The following COG6 variants were observed in gnomAD, a reference collection of about 807,000 sequenced individuals.
COG6 encodes conserved oligomeric Golgi complex subunit 6.
In COG6, 74 loss-of-function variants were observed where a neutral mutation model predicts 88.8. The observed-to-expected ratio is 0.83, with a 90% CI of 0.69 to 1.01. The LOEUF is 1.01. Among genes scored for constraint, COG6 ranks in the 50% least tolerant of loss-of-function variants. The probability of loss-of-function intolerance (pLI) is 0.00; values close to 1 mark genes in which losing one functional copy is unlikely to be tolerated. For missense variants in COG6, 800 were observed against 797.9 expected (o/e 1.00, Z -0.03); for synonymous variants, 286 against 278.7 (o/e 1.03, Z -0.26).
intron 18 of COG6, among the ~76,000 whole-genome samples, chr13:39,774,767 G>A (rs1272949601): frequency 1.3e-5 from 2 of 151,962 alleles, no homozygotes; most frequent in South Asian, 2.1e-4. Flanking sequence ...TAGAGACAGG[G>A]TTTCACCATA....
At chr13:39,663,767 A>T (rs939822388) in intron 3 of COG6, among the ~76,000 whole-genome samples, 3 of 152,018 alleles carry the variant, frequency 2.0e-5, no homozygotes, top group African/African-American at 7.3e-5. Context: ...ACATGCCTAT[A>T]GTCCCAGCTA....
chr13:39,785,890 ACTTTGCTCAG>A (rs1478005925), intron 18 of COG6, among the ~76,000 whole-genome samples: 1 of 152,122 alleles, frequency 6.6e-6, no homozygotes. Flanking sequence ...AGGATTTTCC[ACTTTGCTCAG>A]CTTTGGGGAG....
intron 13 of COG6, among the ~76,000 whole-genome samples, chr13:39,718,762 G>A (rs1488364661): frequency 2.6e-5 from 4 of 151,994 alleles, no homozygotes; most frequent in East Asian, 3.9e-4. Context: ...GAGACTCCTG[G>A]GGTGCTTGTT....
chr13:39,657,738 C>A (rs761262909), intron 1 of COG6, among the ~76,000 whole-genome samples: 38 of 152,036 alleles, frequency 2.5e-4, no homozygotes, highest in Non-Finnish European at 4.6e-4. Flanking sequence ...ATTTAGTGTA[C>A]AATGGGGATG....
intron 3 of COG6, 96 bp from the exon 4 acceptor site, chr13:39,665,000 T>A (rs978481224): frequency 2.8e-6 from 2 of 717,002 alleles, no homozygotes; most frequent in Non-Finnish European, 5.1e-6. Context: ...GTGATCTCAT[T>A]TGTTTTAAGT....
intron 18 of COG6, among the ~76,000 whole-genome samples, chr13:39,731,633 A>G (rs1323339392): frequency 6.6e-6 from 1 of 152,216 alleles, no homozygotes; most frequent in Non-Finnish European, 1.5e-5. Context: ...GAAAATGGGT[A>G]AGTTTTGATA....
In COG6 at chr13:39,724,555, T is replaced by A; in HGVS notation, c.1740T>A (p.Ala580=). Residue 580 remains alanine (A), a synonymous_variant, in exon 17 of 19, where the codon GCT becomes GCA. Transcript: ENST00000455146. ...ACCTAGATTCTGTGACACTGAAGGC[T>A]GCAATGGTAAGTGTATAATAAAACA... The part of the protein sequence containing the change: ...MPNLDSVTLK[A]AMVQFDRYLS... The A allele has an allele frequency of 6.3e-7, 1 of 1,594,614 alleles. No homozygotes were observed. Among genetic ancestry groups the A allele is most frequent in the Non-Finnish European group, 8.6e-7 (1 of 1,163,510 alleles).
At chr13:39,697,082 T>C (rs1877317707) in intron 12 of COG6, among the ~76,000 whole-genome samples, 1 of 149,482 alleles carries the variant, frequency 6.7e-6, no homozygotes. Flanking sequence ...TTGATGGGAG[T>C]GGTGGGTAAT....
chr13:39,718,524 T>G (rs1210251638), intron 13 of COG6, among the ~76,000 whole-genome samples: 1 of 152,168 alleles, frequency 6.6e-6, no homozygotes, highest in Non-Finnish European at 1.5e-5. Context: ...ACTTAGTAAG[T>G]GCAAGGCATG....
intron 4 of COG6, among the ~76,000 whole-genome samples, chr13:39,665,481 A>G (rs7998582): frequency 0.66 from 100,388 of 151,896 alleles, 33,403 homozygotes; most frequent in Admixed American, 0.77. Flanking sequence ...TTTTTTCACA[A>G]TCATTGTCTT....
chr13:39,682,979 A>G (rs184636239), intron 8 of COG6, among the ~76,000 whole-genome samples: 1 of 152,216 alleles, frequency 6.6e-6, no homozygotes, highest in Non-Finnish European at 1.5e-5. Context: ...CCTGCTTTGA[A>G]TCATCCCTTT....
intron 18 of COG6, among the ~76,000 whole-genome samples, chr13:39,745,071 A>C (rs1419880223): frequency 6.6e-6 from 1 of 152,214 alleles, no homozygotes; most frequent in Non-Finnish European, 1.5e-5. Flanking sequence ...CCTTCCTTAC[A>C]CCTTATACAA....
At chr13:39,718,301 C>A (rs559219515) in intron 13 of COG6, among the ~76,000 whole-genome samples, 1 of 151,830 alleles carries the variant, frequency 6.6e-6, no homozygotes, top group South Asian at 2.1e-4. Flanking sequence ...TAATAAATGC[C>A]GATATTTGAA....
exon 19 of COG6, chr13:39,790,328 G>C (rs1056765017): frequency 2.0e-5 from 3 of 152,198 alleles, no homozygotes; most frequent in African/African-American, 7.2e-5. Context: ...ATTGTGTAAG[G>C]CTTAAAATTG....
exon 19 of COG6, chr13:39,791,165 C>G (rs920811305): frequency 5.3e-5 from 8 of 151,886 alleles, no homozygotes; most frequent in African/African-American, 1.9e-4. Flanking sequence ...AGACAGACAC[C>G]CACTTTCTAT....
At chr13:39,734,605 A>C (rs1879634778) in intron 18 of COG6, among the ~76,000 whole-genome samples, 1 of 152,086 alleles carries the variant, frequency 6.6e-6, no homozygotes, top group African/African-American at 2.4e-5. Flanking sequence ...ACAAATATTG[A>C]TTAGGTGCAT....
intron 18 of COG6, among the ~76,000 whole-genome samples, chr13:39,747,301 G>A (rs776702387): frequency 6.6e-6 from 1 of 152,166 alleles, no homozygotes; most frequent in African/African-American, 2.4e-5. Context: ...CTGTCAGCCA[G>A]AGTTCTTGGT....
intron 1 of COG6, chr13:39,656,801 T>G (rs751425436): frequency 1.1e-5 from 5 of 455,810 alleles, no homozygotes; most frequent in South Asian, 7.7e-5. Context: ...AGTAAGTCCC[T>G]TCACTAATCT....
exon 19 of COG6, chr13:39,788,568 G>A: frequency 1.7e-6 from 1 of 583,286 alleles, no homozygotes; most frequent in Non-Finnish European, 3.1e-6. Flanking sequence ...TCAGAATAAT[G>A]CGGATCATAA....
Sources: gnomAD v4.1 joint callset for allele counts (sites outside exome capture counted in the v4.1 genomes callset) on GRCh38, gnomAD v4.1.1 for gene constraint, MANE v1.5 for transcripts, NCBI Gene and HGNC (gene_info 2026-07-23, HGNC 2026-07-21) for gene names.